CEMIP: variants seen among roughly 807,000 people sequenced by gnomAD.
CEMIP encodes cell migration-inducing and hyaluronan-binding protein.
A neutral mutation model predicts 156.9 loss-of-function variants in CEMIP; 105 were observed. The ratio of observed to expected loss-of-function variants is 0.67; its 90% CI spans 0.57 to 0.79. CEMIP has a LOEUF of 0.79. Ranked by LOEUF, CEMIP falls within the 30% of genes least tolerant of loss-of-function variation. The pLI, the probability that CEMIP is intolerant of heterozygous loss-of-function variation, is 0.00. For synonymous variants in CEMIP, 676 were observed against 668.4 expected (o/e 1.01, Z -0.17); for missense variants, 1,457 against 1,769.4 (o/e 0.82, Z 3.17).
chr15:80,852,037 G>T (rs371115347), intron 1 of CEMIP, among the ~76,000 whole-genome samples: 2 of 152,262 alleles, frequency 1.3e-5, no homozygotes, highest in South Asian at 2.1e-4. Flanking sequence ...GAACTTCAAG[G>T]GGGACAGGTT....
chr15:80,918,833 G>T (rs1365983202), intron 14 of CEMIP, among the ~76,000 whole-genome samples: 1 of 152,128 alleles, frequency 6.6e-6, no homozygotes, highest in Non-Finnish European at 1.5e-5. Flanking sequence ...GTCTGGGATT[G>T]GACAGGGGGG....
At chr15:80,887,603 G>A (rs941168507) in intron 7 of CEMIP, 91 bp from the exon 8 acceptor site, 9 of 945,344 alleles carry the variant, frequency 9.5e-6, no homozygotes, top group Non-Finnish European at 1.5e-5. Flanking sequence ...TTCACCTGAC[G>A]CTGCTTCAAC....
intron 7 of CEMIP, among the ~76,000 whole-genome samples, chr15:80,887,350 G>T (rs1305466121): frequency 6.6e-6 from 1 of 152,168 alleles, no homozygotes; most frequent in African/African-American, 2.4e-5. Flanking sequence ...CCAAGCATTT[G>T]CTTCAGGACA....
At chr15:80,849,942 G>A (rs1263199927) in intron 1 of CEMIP, among the ~76,000 whole-genome samples, 2 of 152,214 alleles carry the variant, frequency 1.3e-5, no homozygotes, top group Admixed American at 1.3e-4. Flanking sequence ...GATGAGTTAG[G>A]TAAGGGCCAC....
chr15:80,798,254 G>A (rs1406891468), intron 1 of CEMIP, among the ~76,000 whole-genome samples: 2 of 152,114 alleles, frequency 1.3e-5, no homozygotes, highest in Non-Finnish European at 2.9e-5. Flanking sequence ...AACGTTGATA[G>A]AATTTTACCT....
At chr15:80,901,894 C>T (rs1027652878) in intron 12 of CEMIP, among the ~76,000 whole-genome samples, 1 of 152,182 alleles carries the variant, frequency 6.6e-6, no homozygotes, top group African/African-American at 2.4e-5. Context: ...AACTCAGCTT[C>T]ATTCTCCCTC....
At chr15:80,840,613 G>T (rs1105039) in intron 1 of CEMIP, among the ~76,000 whole-genome samples, 2 of 152,002 alleles carry the variant, frequency 1.3e-5, no homozygotes, top group Admixed American at 6.6e-5. Context: ...GGCCCGTGCA[G>T]GGGGAAACTG....
At chr15:80,900,723 A>G in intron 12 of CEMIP, 1 of 327,684 alleles carries the variant, frequency 3.1e-6, no homozygotes, top group Non-Finnish European at 6.0e-6. Flanking sequence ...AGAGGCTCAC[A>G]TTCCTCCTAT....
At chr15:80,781,976 C>T (rs1311856454) in intron 1 of CEMIP, among the ~76,000 whole-genome samples, 11 of 152,066 alleles carry the variant, frequency 7.2e-5, no homozygotes, top group Non-Finnish European at 1.5e-4. Context: ...TTTTTGCATC[C>T]GAGAACTTGT....
rs1038299084 is a variant in CEMIP at position 80,906,724 on chromosome 15, T to C, written c.1473T>C (p.Val491=). The change falls in exon 13 of 30, where the codon GTT becomes GTC. Residue 491 remains valine (V), a synonymous_variant. Transcript: ENST00000394685. The surrounding 1 kb of genome is among the most constrained non-coding windows in gnomAD (Gnocchi z 4.3). The part of the protein sequence containing the change: ...EIDGVDMRAE[V]GLLSRNIIVM... ...ACGGCGTGGACATGCGGGCGGAGGTTGGGCTTCTGAGCCGGAACATCATAG... is the reference window on the plus strand; with the variant it reads ...ACGGCGTGGACATGCGGGCGGAGGTCGGGCTTCTGAGCCGGAACATCATAG... The C allele has an allele frequency of 6.2e-7, 1 of 1,614,150 alleles. No homozygotes were observed. The highest frequency in any genetic ancestry group is 2.2e-5 in the East Asian group (1 of 44,880).
At chr15:80,780,111 C>T (rs1173457179) in intron 1 of CEMIP, among the ~76,000 whole-genome samples, 1 of 152,212 alleles carries the variant, frequency 6.6e-6, no homozygotes, top group Non-Finnish European at 1.5e-5. Context: ...TGCCTCAGCA[C>T]GCTCTTCCTC....
intron 1 of CEMIP, among the ~76,000 whole-genome samples, chr15:80,786,187 G>C (rs988871163): frequency 2.6e-5 from 4 of 152,114 alleles, no homozygotes; most frequent in African/African-American, 9.7e-5. Context: ...GCTTTTGGCA[G>C]TCATATCAAT....
At chr15:80,798,241 C>G (rs751980028) in intron 1 of CEMIP, among the ~76,000 whole-genome samples, 7 of 152,150 alleles carry the variant, frequency 4.6e-5, no homozygotes, top group Non-Finnish European at 4.4e-5. Context: ...ATATTTTTTA[C>G]ATAACGTTGA....
intron 1 of CEMIP, among the ~76,000 whole-genome samples, chr15:80,844,106 G>A (rs1400263861): frequency 6.6e-6 from 1 of 152,226 alleles, no homozygotes; most frequent in Non-Finnish European, 1.5e-5. Flanking sequence ...AGAGCACTAA[G>A]GCTGCCACCC....
intron 1 of CEMIP, among the ~76,000 whole-genome samples, chr15:80,811,642 C>A (rs1373693986): frequency 2.0e-5 from 3 of 152,238 alleles, no homozygotes; most frequent in African/African-American, 7.2e-5. Flanking sequence ...GCAACTTCTG[C>A]CTCCCGGAGT....
intron 25 of CEMIP, among the ~76,000 whole-genome samples, chr15:80,938,765 C>T (rs189407728): frequency 6.6e-6 from 1 of 152,306 alleles, no homozygotes; most frequent in East Asian, 1.9e-4. Flanking sequence ...AACAGAGTAT[C>T]TGTTTCTGGG....
At chr15:80,799,455 C>T (rs913066297) in intron 1 of CEMIP, among the ~76,000 whole-genome samples, 37 of 152,204 alleles carry the variant, frequency 2.4e-4, no homozygotes, top group African/African-American at 8.9e-4. Flanking sequence ...GGAGAGAAGT[C>T]ACAATTTTGA....
intron 1 of CEMIP, among the ~76,000 whole-genome samples, chr15:80,785,448 C>A (rs1392767208): frequency 1.3e-5 from 2 of 152,168 alleles, no homozygotes; most frequent in Non-Finnish European, 2.9e-5. Context: ...CCGCCACAAT[C>A]GGAAGCAGAA....
chr15:80,854,037 G>C (rs1897779153), intron 1 of CEMIP, among the ~76,000 whole-genome samples: 1 of 152,260 alleles, frequency 6.6e-6, no homozygotes, highest in Admixed American at 6.5e-5. Context: ...GCTGGAGTCA[G>C]AGAGATCTGT....
Sources: gnomAD v4.1 joint callset for allele counts (sites outside exome capture counted in the v4.1 genomes callset) on GRCh38, gnomAD v4.1.1 for gene constraint, Gnocchi (gnomAD v3.1) non-coding constraint, MANE v1.5 for transcripts, NCBI Gene and HGNC (gene_info 2026-07-23, HGNC 2026-07-21) for gene names.